SPDYE5: variants seen among roughly 807,000 people sequenced by gnomAD.
The protein encoded by SPDYE5 is speedy protein E5.
In SPDYE5, 15 loss-of-function variants were observed where a neutral mutation model predicts 48.5. The observed-to-expected ratio is 0.31, with a 90% CI of 0.21 to 0.48. The LOEUF is 0.48. SPDYE5 is among the 20% of genes least tolerant of loss of function. The pLI is 0.99. For missense variants in SPDYE5, 331 were observed against 549.1 expected (o/e 0.60, Z 3.97); for synonymous variants, 116 against 200.7 (o/e 0.58, Z 3.57).
intron 5 of SPDYE5, among the ~76,000 whole-genome samples, chr7:75,498,446 G>A (rs1264111416): frequency 6.6e-6 from 1 of 151,400 alleles, no homozygotes; most frequent in African/African-American, 2.4e-5. Flanking sequence ...CTTGAGTCTT[G>A]GCACCCACAA....
intron 3 of SPDYE5, among the ~76,000 whole-genome samples, chr7:75,496,404 CAAA>C (rs1175143877): frequency 3.6e-5 from 1 of 27,466 alleles, no homozygotes; most frequent in Non-Finnish European, 6.6e-5. Context: ...ACAACAACAA[CAAA>C]AAAAAAAAAA....
In SPDYE5 at chr7:75,493,989, C is replaced by T; in HGVS notation, c.-59C>T. 1 of 1,511,122 alleles carries T rather than the reference C, an allele frequency of 6.6e-7. No homozygotes were observed. The highest frequency in any genetic ancestry group is 8.8e-7 in the Non-Finnish European group (1 of 1,135,392). The allele number at this position is 1,511,122 out of a possible 1,614,324, so 93.6% of individuals were successfully genotyped here. On this transcript the variant is annotated 5_prime_UTR_variant, in exon 2 of 9. Transcript: ENST00000625065. ...AGCTGTTCTCCACTCCTGACTTCTC[C>T]TAGGCTTGAGAATTGATAACATACT...
Position 75,502,974 on chromosome 7 carries a change from T to G in SPDYE5, c.*187T>G. The G allele has an allele frequency of 1.8e-6, 1 of 543,962 alleles. No individual in the cohort carries two copies. Among genetic ancestry groups the G allele is most frequent in the Non-Finnish European group, 3.2e-6 (1 of 315,180 alleles). 33.7% of individuals were successfully genotyped at this position (543,962 alleles called of 1,614,324 possible). ...CCATTCTTGATGGAGCTGAATACAG[T>G]GATCACGTTGTCCTCCTAGGAGCAG... is the stretch of plus-strand genomic sequence containing the variant. On this transcript the variant is annotated 3_prime_UTR_variant, in exon 9 of 9. Coordinates refer to ENST00000625065, the MANE Select transcript of SPDYE5 (RefSeq NM_001306141.4).
At chr7:75,496,579 G>T (rs1792941298) in intron 3 of SPDYE5, 95 bp from the exon 4 acceptor site, 1 of 1,574,258 alleles carries the variant, frequency 6.4e-7, no homozygotes, top group Non-Finnish European at 8.6e-7. Flanking sequence ...AGTCTGCGAG[G>T]CTGGGGAGGA....
At chr7:75,500,710 T>A (rs1554483285) in intron 6 of SPDYE5, among the ~76,000 whole-genome samples, 2 of 152,048 alleles carry the variant, frequency 1.3e-5, no homozygotes, top group Non-Finnish European at 2.9e-5. Context: ...GTTTGTTTGT[T>A]TGTTTGTTTG....
chr7:75,493,288 T>C lies in SPDYE5; in HGVS notation c.-421-339T>C, dbSNP rs587618415. On this transcript the variant is annotated intron_variant, in intron 1 of 8. Coordinates refer to ENST00000625065, the MANE Select transcript of SPDYE5 (RefSeq NM_001306141.4). ...GGATTCCCTGAAATTGGGGACACCATTGGAAATATGTGTGAGCTCAGGGGC... is the reference window on the plus strand; with the variant it reads ...GGATTCCCTGAAATTGGGGACACCACTGGAAATATGTGTGAGCTCAGGGGC... Among the ~76,000 whole-genome samples the C allele has an allele frequency of 7.6e-3, 1,156 of 151,780 alleles. 4 individuals carry two copies. The highest frequency in any genetic ancestry group is 0.026 in the African/African-American group (1,071 of 41,370).
chr7:75,501,709 GT>G lies in SPDYE5; in HGVS notation c.1105del (p.Ser369ProfsTer2), dbSNP rs1271080188. The G allele has an allele frequency of 1.2e-6, 2 of 1,613,082 alleles. No individual in the cohort carries two copies. Among genetic ancestry groups the G allele is most frequent in the East Asian group, 4.5e-5 (2 of 44,874 alleles). ...CAGAAACGTCGGTTCCAGTTCTTCT[GT>G]TCCATGAGCGGCAGGGCTTGGGTTT... is the stretch of plus-strand genomic sequence containing the variant. ...LFQKRRFQFF[C>X]SMSGRAWVSP... On this transcript the variant is annotated frameshift_variant, in exon 7 of 9. Transcript: ENST00000625065. LOFTEE classifies it high-confidence loss of function.
chr7:75,492,751 G>A (rs587712324), intron 1 of SPDYE5, among the ~76,000 whole-genome samples: 1 of 151,112 alleles, frequency 6.6e-6, no homozygotes, highest in African/African-American at 2.4e-5. Flanking sequence ...GAACCCACAG[G>A]TTTTTTGGAT....
At position 75,496,404 on chromosome 7, in the gene SPDYE5, C is replaced by CAA. The variant is rs1175143877; in HGVS notation, c.380-251_380-250dup. Among the ~76,000 whole-genome samples, 197 of 27,448 alleles carry CAA rather than the reference C, an allele frequency of 7.2e-3. 2 individuals are homozygous for CAA. Among genetic ancestry groups the CAA allele is most frequent in the Non-Finnish European group, 0.011 (173 of 15,150 alleles). 18.0% of individuals were successfully genotyped at this position (27,448 alleles called of 152,430 possible). On this transcript the variant is annotated intron_variant, in intron 3 of 8. Coordinates refer to ENST00000625065, the MANE Select transcript of SPDYE5 (RefSeq NM_001306141.4). ...TGTTTCTCAACAACAACAACAACAA[C>CAA]AAAAAAAAAAAAAAAAAAAAGGGAC...
rs1554482659 is a variant in SPDYE5, at chr7:75,496,811, G to A, written c.517G>A (p.Ala173Thr). The part of the protein sequence containing the change: ...LAPEPEEIWV[A>T]EMLCGLKMKL... ...CCCTGAGCCTGAGGAGATCTGGGTG[G>A]CGGAGATGCTGTGTGGCCTCAAGAT... Residue 173 changes from alanine (A) to threonine (T), a missense_variant, in exon 4 of 9, where the codon GCG (alanine) becomes ACG (threonine). Physicochemically the swap from Ala to Thr is moderately conservative, Grantham distance 58. Transcript: ENST00000625065. The A allele has an allele frequency of 1.3e-6, 2 of 1,541,784 alleles. No homozygotes were observed. Among genetic ancestry groups the A allele is most frequent in the Admixed American group, 2.0e-5 (1 of 51,186 alleles).
intron 1 of SPDYE5, among the ~76,000 whole-genome samples, chr7:75,493,107 T>A (rs1792796467): frequency 6.6e-6 from 1 of 152,172 alleles, no homozygotes; most frequent in Non-Finnish European, 1.5e-5. Context: ...CAGCTGAAAT[T>A]TTCGACTTAG....
chr7:75,492,217 G>T (rs1792759204), upstream of SPDYE5, among the ~76,000 whole-genome samples: 1 of 152,006 alleles, frequency 6.6e-6, no homozygotes, highest in Admixed American at 6.6e-5. Flanking sequence ...CTGTTAACTA[G>T]GAGAGAGAGA....
In SPDYE5 at chr7:75,493,213, T is replaced by C. The variant is rs1404371712; in HGVS notation, c.-421-414T>C. Among the ~76,000 whole-genome samples, 5 of 151,448 alleles carry C rather than the reference T, an allele frequency of 3.3e-5. No homozygotes were observed. In the East Asian group the frequency reaches 7.8e-4, roughly 24 times the overall value. ...TACATATGATACAAAACTTGATATA[T>C]AGACTAGAGTTTCTTAGCCGAACTG... On this transcript the variant is annotated intron_variant, in intron 1 of 8. Coordinates refer to ENST00000625065, the MANE Select transcript of SPDYE5 (RefSeq NM_001306141.4).
In SPDYE5 at chr7:75,493,022, G is replaced by A. The variant is rs77650789; in HGVS notation, c.-422+581G>A. 5.3e-3 allele frequency among the ~76,000 whole-genome samples: 805 copies of A among 151,394 alleles called. 18 individuals are homozygous for A. The highest frequency in any genetic ancestry group is 0.044 in the East Asian group (224 of 5,098). On this transcript the variant is annotated intron_variant, in intron 1 of 8. Transcript: ENST00000625065. ...TTACTATGTTGCCTATACTGGTCTTGAACTGCTGGCCTCAGGCAATCTTCC... is the reference window on the plus strand; with the variant it reads ...TTACTATGTTGCCTATACTGGTCTTAAACTGCTGGCCTCAGGCAATCTTCC...
At position 75,503,573 on chromosome 7, in the gene SPDYE5, C is replaced by G. The variant is rs1793225003; in HGVS notation, c.*786C>G. The G allele has an allele frequency of 6.6e-6, 1 of 151,488 alleles. No homozygotes were observed. Among genetic ancestry groups the G allele is most frequent in the Non-Finnish European group, 1.5e-5 (1 of 67,882 alleles). The allele number at this position is 151,488 out of a possible 1,614,324, so 9.4% of individuals were successfully genotyped here. A position where few individuals can be genotyped will look rare whatever the true frequency, so the allele number is the denominator to read the frequency against. On this transcript the variant is annotated 3_prime_UTR_variant, in exon 9 of 9. Transcript: ENST00000625065. The stretch of plus-strand genomic sequence containing the variant: ...CCATAATAATCTCTTCTATTTATAG[C>G]TATTGGTAGTTCCCCACCACAAAAA...
chr7:75,496,617 G>C, intron 3 of SPDYE5, 57 bp from the exon 4 acceptor site: 1 of 1,597,130 alleles, frequency 6.3e-7, no homozygotes, highest in South Asian at 1.1e-5. Flanking sequence ...TTTTGGGTTG[G>C]GCTCTAGTGT....
chr7:75,494,277 G>A (rs1584735372), intron 2 of SPDYE5, 70 bp downstream of exon 2: 1 of 1,520,450 alleles, frequency 6.6e-7, no homozygotes, highest in East Asian at 2.5e-5. Flanking sequence ...CAGGTGCGGT[G>A]GCTCACGCCT....
intron 5 of SPDYE5, among the ~76,000 whole-genome samples, chr7:75,498,207 C>T (rs1427107572): frequency 1.3e-4 from 19 of 146,396 alleles, no homozygotes; most frequent in African/African-American, 3.9e-4. Flanking sequence ...TCACTGCAGC[C>T]GATGCCTCCC....
chr7:75,491,700 CCATT>C (rs1792739209), upstream of SPDYE5, among the ~76,000 whole-genome samples: 1 of 135,102 alleles, frequency 7.4e-6, no homozygotes, highest in African/African-American at 2.6e-5. Flanking sequence ...GGCTGTTTAG[CCATT>C]TTTTTTTTTT....
Sources: allele counts gnomAD v4.1 joint callset (sites outside exome capture counted in the v4.1 genomes callset), GRCh38; gene constraint gnomAD v4.1.1; transcripts MANE v1.5; gene names NCBI Gene and HGNC (gene_info 2026-07-23, HGNC 2026-07-21).